Variants in WWC2 observed in about 807,000 individuals in gnomAD.
The protein encoded by WWC2 is WW and C2 domain containing 2.
A neutral mutation model predicts 138.5 loss-of-function variants in WWC2; 101 were observed. The observed-to-expected ratio is 0.73, with a 90% confidence interval of 0.62 to 0.86. The LOEUF is 0.86. Among genes scored for constraint, WWC2 ranks in the 40% least tolerant of loss-of-function variants. WWC2 has a pLI of 0.00. For synonymous variants in WWC2, 558 were observed against 538.4 expected, an observed-to-expected ratio of 1.04 and a Z score of -0.50; for missense variants, 1,420 against 1,419.4, an observed-to-expected ratio of 1.00 and a Z score of -0.01.
At chr4:183,210,430 T>C (rs2111244557) in intron 4 of WWC2, among the ~76,000 whole-genome samples, 1 of 152,166 alleles carries the variant, frequency 6.6e-6, no homozygotes, top group East Asian at 1.9e-4. Flanking sequence ...GTTAAATAAG[T>C]TAAATAAGTA....
chr4:183,229,939 C>T (rs1736192860), intron 4 of WWC2, among the ~76,000 whole-genome samples: 1 of 152,062 alleles, frequency 6.6e-6, no homozygotes, highest in Non-Finnish European at 1.5e-5. Context: ...ATCCTCCCAC[C>T]TCAGCTTCCT....
chr4:183,113,006 C>T, intron 1 of WWC2, among the ~76,000 whole-genome samples: 1 of 152,126 alleles, frequency 6.6e-6, no homozygotes, highest in Non-Finnish European at 1.5e-5. Flanking sequence ...GGCACGGTGG[C>T]TCATGCGTGT....
chr4:183,320,396 G>A lies in WWC2; in HGVS notation c.*4667G>A, dbSNP rs1289889592. The A allele has an allele frequency of 4.5e-6, 3 of 663,614 alleles. No individual in the cohort carries two copies. The highest frequency in any genetic ancestry group is 4.3e-5 in the South Asian group (2 of 46,622). 41.1% of individuals were successfully genotyped at this position (663,614 alleles called of 1,614,324 possible). On this transcript the variant is annotated 3_prime_UTR_variant, in exon 23 of 23. Transcript: ENST00000403733. ...CCATGTTGAATGGGTTTCACAAAAG[G>A]ATAGGGAAATAATGCCGCCAACCAG...
At chr4:183,142,465 T>G (rs774885220) in intron 1 of WWC2, among the ~76,000 whole-genome samples, 1 of 152,066 alleles carries the variant, frequency 6.6e-6, no homozygotes, top group Non-Finnish European at 1.5e-5. Context: ...GGTTGCTGAG[T>G]TTTCAACCCA....
intron 21 of WWC2, among the ~76,000 whole-genome samples, chr4:183,296,824 C>T (rs1045344291): frequency 6.6e-6 from 1 of 151,026 alleles, no homozygotes; most frequent in African/African-American, 2.4e-5. Flanking sequence ...GTCCCAGCTA[C>T]TCGGGAGGCT....
intron 1 of WWC2, among the ~76,000 whole-genome samples, chr4:183,183,991 A>G (rs867636992): frequency 6.6e-6 from 1 of 152,324 alleles, no homozygotes. Flanking sequence ...AACTTACTGA[A>G]GTGAAATTCA....
At chr4:183,261,882 TG>T (rs1170743640) in intron 11 of WWC2, among the ~76,000 whole-genome samples, 1 of 152,224 alleles carries the variant, frequency 6.6e-6, no homozygotes. Flanking sequence ...TTTTAAAAGT[TG>T]GCCTAAAACA....
chr4:183,320,147 G>C lies in WWC2; in HGVS notation c.*4418G>C, dbSNP rs773692523. Reference sequence around the variant, plus strand: ...AGTGTGGCAGGTAGTTTGTAAGACAGGATAAAACCCATCCCAGCAAAGATA... The same window carrying C: ...AGTGTGGCAGGTAGTTTGTAAGACACGATAAAACCCATCCCAGCAAAGATA... On this transcript the variant is annotated 3_prime_UTR_variant, in exon 23 of 23. Coordinates refer to ENST00000403733, the MANE Select transcript of WWC2 (RefSeq NM_024949.6). The C allele has an allele frequency of 8.7e-6, 14 of 1,613,994 alleles. No homozygotes were observed.
intron 4 of WWC2, among the ~76,000 whole-genome samples, chr4:183,211,073 C>A (rs183017272): frequency 4.5e-4 from 69 of 152,312 alleles, no homozygotes; most frequent in Middle Eastern, 3.4e-3. Flanking sequence ...AAAGTATTTT[C>A]TAACTTCCTT....
chr4:183,107,918 C>T (rs1231293938), intron 1 of WWC2, among the ~76,000 whole-genome samples: 3 of 151,828 alleles, frequency 2.0e-5, no homozygotes, highest in Admixed American at 1.3e-4. Flanking sequence ...GTTAAATTTT[C>T]TCTATATTCC....
intron 4 of WWC2, among the ~76,000 whole-genome samples, chr4:183,213,366 A>G (rs372141128): frequency 2.0e-5 from 3 of 152,372 alleles, no homozygotes; most frequent in African/African-American, 7.2e-5. Context: ...TTAATGCCGT[A>G]GGAGTAGTAA....
At chr4:183,120,142 G>T (rs535666905) in intron 1 of WWC2, among the ~76,000 whole-genome samples, 1 of 152,266 alleles carries the variant, frequency 6.6e-6, no homozygotes, top group African/African-American at 2.4e-5. Context: ...TAGGAAAGCT[G>T]GTATCCTTTT....
intron 1 of WWC2, among the ~76,000 whole-genome samples, chr4:183,186,365 G>A (rs1734800566): frequency 1.3e-5 from 2 of 152,152 alleles, no homozygotes; most frequent in African/African-American, 2.4e-5. Flanking sequence ...TCTTTCAAGA[G>A]TGTATTCGTG....
intron 21 of WWC2, among the ~76,000 whole-genome samples, chr4:183,296,515 G>C (rs892078348): frequency 6.6e-6 from 1 of 152,162 alleles, no homozygotes; most frequent in African/African-American, 2.4e-5. Flanking sequence ...TTGTAAAATA[G>C]TGCTTTATTT....
Position 183,261,502 on chromosome 4 carries a change from G to T in WWC2, c.1879G>T (p.Ala627Ser). Residue 627 changes from alanine to serine, a missense_variant, in exon 11 of 23, where the codon GCT becomes TCT. Coordinates refer to ENST00000403733, the MANE Select transcript of WWC2 (RefSeq NM_024949.6). ...AGAGGATAAAGACCTTAATGAATGT[G>T]CTAGGGAGCCATTATATGAAGGAAC... is the stretch of plus-strand genomic sequence containing the variant. ...LSEDKDLNEC[A>S]REPLYEGTAD... 1 of 1,612,426 alleles carries T rather than the reference G, an allele frequency of 6.2e-7. No individual in the cohort carries two copies. Among genetic ancestry groups the T allele is most frequent in the East Asian group, 2.2e-5 (1 of 44,850 alleles).
chr4:183,282,581 C>A, intron 17 of WWC2, 127 bp from the exon 18 acceptor site: 2 of 950,930 alleles, frequency 2.1e-6, no homozygotes, highest in Non-Finnish European at 3.1e-6. Flanking sequence ...AAAACCCCAG[C>A]CAAAGAAATG....
At chr4:183,244,270 G>A (rs920578256) in intron 5 of WWC2, among the ~76,000 whole-genome samples, 2 of 152,126 alleles carry the variant, frequency 1.3e-5, no homozygotes, top group African/African-American at 4.8e-5. Flanking sequence ...GACCAGGAGA[G>A]TGATCATGAA....
At chr4:183,206,344 G>A (rs111623495) in intron 2 of WWC2, among the ~76,000 whole-genome samples, 5 of 152,002 alleles carry the variant, frequency 3.3e-5, no homozygotes, top group African/African-American at 9.6e-5. Context: ...CTGTATTAAA[G>A]CCATACTTCT....
chr4:183,137,316 C>T (rs1462674993), intron 1 of WWC2, among the ~76,000 whole-genome samples: 1 of 152,016 alleles, frequency 6.6e-6, no homozygotes, highest in African/African-American at 2.4e-5. Context: ...CATTGTACAC[C>T]TGTTCAAAAA....
Sources: gnomAD v4.1 joint callset for allele counts (sites outside exome capture counted in the v4.1 genomes callset) on GRCh38, gnomAD v4.1.1 for gene constraint, MANE v1.5 for transcripts, NCBI Gene and HGNC (gene_info 2026-07-23, HGNC 2026-07-21) for gene names.